RIPOR2: variants seen among roughly 807,000 people sequenced by gnomAD.
RIPOR2 encodes the protein RHO family interacting cell polarization regulator 2, also known as rho family-interacting cell polarization regulator 2.
A neutral mutation model predicts 114.5 loss-of-function variants in RIPOR2; 39 were observed. The observed-to-expected ratio is 0.34, with a 90% CI of 0.26 to 0.44. The LOEUF is 0.44. Ranked by LOEUF, RIPOR2 falls within the 20% of genes least tolerant of loss-of-function variation. The probability of loss-of-function intolerance (pLI) is 1.00; values close to 1 mark genes in which losing one functional copy is unlikely to be tolerated. For missense variants in RIPOR2, 1,007 were observed against 1,255.1 expected (o/e 0.80, Z 2.99); for synonymous variants, 445 against 484.4 (o/e 0.92, Z 1.07).
At chr6:24,809,502 C>G (rs1194290562) in intron 21 of RIPOR2, among the ~76,000 whole-genome samples, 1 of 152,226 alleles carries the variant, frequency 6.6e-6, no homozygotes, top group Non-Finnish European at 1.5e-5. Flanking sequence ...CAATATAGTT[C>G]ACTCTCAGCA....
At chr6:24,999,707 C>G (rs1581932251) in intron 1 of RIPOR2, among the ~76,000 whole-genome samples, 2 of 152,190 alleles carry the variant, frequency 1.3e-5, no homozygotes, top group East Asian at 1.9e-4. Flanking sequence ...AGGCGCCCAC[C>G]ACCACGCCTG....
At chr6:24,956,592 C>G (rs1773054292) in intron 1 of RIPOR2, among the ~76,000 whole-genome samples, 1 of 152,076 alleles carries the variant, frequency 6.6e-6, no homozygotes, top group Non-Finnish European at 1.5e-5. Context: ...ATGATAATCC[C>G]CACTTTCTAG....
At chr6:24,925,269 A>G (rs1284786409) in intron 1 of RIPOR2, among the ~76,000 whole-genome samples, 2 of 152,242 alleles carry the variant, frequency 1.3e-5, no homozygotes, top group African/African-American at 4.8e-5. Context: ...TGGGTGTATT[A>G]TCAATATTAG....
chr6:24,830,872 C>T (rs1760621584), intron 16 of RIPOR2, among the ~76,000 whole-genome samples: 1 of 152,196 alleles, frequency 6.6e-6, no homozygotes, highest in African/African-American at 2.4e-5. Context: ...TGCACCACCA[C>T]ACCTGGCTAA....
chr6:24,961,903 AAGCATG>A (rs1268873644), intron 1 of RIPOR2, among the ~76,000 whole-genome samples: 1 of 152,172 alleles, frequency 6.6e-6, no homozygotes, highest in East Asian at 1.9e-4. Flanking sequence ...CTGGGATTAT[AAGCATG>A]AGCCACCGCA....
intron 1 of RIPOR2, among the ~76,000 whole-genome samples, chr6:24,934,311 T>C (rs1222809298): frequency 6.6e-6 from 1 of 152,192 alleles, no homozygotes; most frequent in Non-Finnish European, 1.5e-5. Flanking sequence ...AAGATCAAAC[T>C]TCAAGGTGTT....
intron 1 of RIPOR2, among the ~76,000 whole-genome samples, chr6:24,889,659 A>G (rs915354458): frequency 6.6e-6 from 1 of 152,056 alleles, no homozygotes; most frequent in Non-Finnish European, 1.5e-5. Flanking sequence ...TAAAGCAACT[A>G]TGTTGCTTTA....
intron 1 of RIPOR2, among the ~76,000 whole-genome samples, chr6:24,967,161 G>T (rs1200796024): frequency 6.6e-6 from 1 of 152,180 alleles, no homozygotes; most frequent in African/African-American, 2.4e-5. Context: ...AGCTAACAGA[G>T]CCTAAACCAT....
chr6:24,806,849 T>G (rs1780802321), intron 21 of RIPOR2, among the ~76,000 whole-genome samples: 1 of 152,192 alleles, frequency 6.6e-6, no homozygotes, highest in South Asian at 2.1e-4. Flanking sequence ...TTACATAACT[T>G]TTACTTGTAT....
chr6:24,833,562 T>G (rs1159708774), intron 15 of RIPOR2, among the ~76,000 whole-genome samples: 2 of 152,096 alleles, frequency 1.3e-5, no homozygotes, highest in African/African-American at 2.4e-5. Context: ...GCAGCAATTA[T>G]GTACTAACAC....
Position 24,828,071 on chromosome 6 carries a change from T to C in RIPOR2, c.2665+66A>G, listed in dbSNP as rs1207241063. ...AGGCCATCATTGCCAAAAGCCATGA[T>C]TTAAAAGAGCAGAGATAACGCCAAA... On this transcript the variant is annotated intron_variant, in intron 18 of 21. Coordinates refer to ENST00000643898, the MANE Select transcript of RIPOR2 (RefSeq NM_001286445.3). 4 of 1,337,924 alleles carry C rather than the reference T, an allele frequency of 3.0e-6. No individual in the cohort carries two copies. The East Asian group carries it at 8.3e-5, about 28-fold the overall frequency. 82.9% of individuals were successfully genotyped at this position (1,337,924 alleles called of 1,614,324 possible). A position where few individuals can be genotyped will look rare whatever the true frequency, so the allele number is the denominator to read the frequency against.
At chr6:24,886,322 G>A (rs1205222560) in intron 1 of RIPOR2, among the ~76,000 whole-genome samples, 2 of 152,048 alleles carry the variant, frequency 1.3e-5, no homozygotes, top group African/African-American at 4.8e-5. Flanking sequence ...ACTGACTATC[G>A]TAGTCTAATT....
rs1412259097 is a variant in RIPOR2, at chr6:24,840,744, T to C, written c.1858-1472A>G. ...GATCTCCGTCCAAGAGGCAGCACCA[T>C]TTAGTTTCTGATCGTCAAGGTGTTT... is the stretch of plus-strand genomic sequence containing the variant. On this transcript the variant is annotated intron_variant, in intron 13 of 21. Coordinates refer to ENST00000643898, the MANE Select transcript of RIPOR2 (RefSeq NM_001286445.3). 5.2e-6 allele frequency: 8 copies of C among 1,535,368 alleles called. No homozygotes were observed. In the African/African-American group the frequency reaches 5.5e-5, roughly 11 times the overall value.
intron 1 of RIPOR2, among the ~76,000 whole-genome samples, chr6:25,039,302 C>T (rs1043259225): frequency 9.9e-5 from 15 of 152,220 alleles, no homozygotes; most frequent in African/African-American, 2.9e-4. Flanking sequence ...TTCTCTGATT[C>T]GCTGCCTGCA....
chr6:24,973,532 G>A (rs2113554350), intron 1 of RIPOR2, among the ~76,000 whole-genome samples: 2 of 150,522 alleles, frequency 1.3e-5, no homozygotes, highest in South Asian at 2.1e-4. Context: ...GGAAGGCAGA[G>A]ATTGCAGGGA....
chr6:24,820,869 C>CTTTT (rs34770819), intron 19 of RIPOR2, among the ~76,000 whole-genome samples: 2,454 of 83,918 alleles, frequency 0.029, 57 homozygotes, highest in Non-Finnish European at 0.039. Flanking sequence ...GTTTAACACT[C>CTTTT]TTTTTTTTTT....
chr6:25,035,518 C>T (rs1777199692), intron 1 of RIPOR2, among the ~76,000 whole-genome samples: 4 of 152,280 alleles, frequency 2.6e-5, no homozygotes, highest in South Asian at 2.1e-4. Context: ...AGGTTGGAAA[C>T]GGCAGCAACA....
intron 13 of RIPOR2, chr6:24,840,410 C>T: frequency 1.6e-6 from 2 of 1,213,552 alleles, no homozygotes; most frequent in Non-Finnish European, 2.1e-6. Flanking sequence ...TGGCCTGGAG[C>T]ATTCTATAAT....
chr6:24,847,630 T>A lies in RIPOR2; in HGVS notation c.1164+395A>T, dbSNP rs1762446408. The A allele has an allele frequency of 3.2e-6, 5 of 1,551,490 alleles. No homozygotes were observed. In the South Asian group the frequency reaches 5.9e-5, roughly 18 times the overall value. On this transcript the variant is annotated intron_variant, in intron 12 of 21. Transcript: ENST00000643898. ...GCGGTGCAGCTTGGCAAAGAAAGTGTCTTGCAAGGCACTCAAGACAGACAG... is the reference window on the plus strand; with the variant it reads ...GCGGTGCAGCTTGGCAAAGAAAGTGACTTGCAAGGCACTCAAGACAGACAG...
Sources: allele counts gnomAD v4.1 joint callset (sites outside exome capture counted in the v4.1 genomes callset), GRCh38; gene constraint gnomAD v4.1.1; transcripts MANE v1.5; gene names NCBI Gene and HGNC (gene_info 2026-07-23, HGNC 2026-07-21).